NTM: variants seen among roughly 807,000 people sequenced by gnomAD.
NTM encodes neurotrimin, also known as IgLON family member 2.
In NTM, 13 loss-of-function variants were observed where a neutral mutation model predicts 42.1. The observed-to-expected ratio is 0.31, with a 90% confidence interval of 0.20 to 0.49. The LOEUF is 0.49. Among genes scored for constraint, NTM ranks in the 20% least tolerant of loss-of-function variants. The pLI is 0.99. For synonymous variants in NTM, 187 were observed against 179.2 expected (o/e 1.04, Z -0.35); for missense variants, 373 against 452.8 (o/e 0.82, Z 1.60).
chr11:132,158,838 G>T (rs2073741527), intron 3 of NTM, among the ~76,000 whole-genome samples: 1 of 152,150 alleles, frequency 6.6e-6, no homozygotes, highest in Admixed American at 6.5e-5. Context: ...AATTGAACCA[G>T]ATTGAAGGAA....
At chr11:131,442,009 CT>C (rs1449186516) in intron 1 of NTM, among the ~76,000 whole-genome samples, 2 of 152,206 alleles carry the variant, frequency 1.3e-5, no homozygotes, top group Non-Finnish European at 2.9e-5. Flanking sequence ...AGATGCACCA[CT>C]CCTCAGATCA....
chr11:131,792,269 AG>A (rs2091038236), intron 1 of NTM, among the ~76,000 whole-genome samples: 1 of 152,254 alleles, frequency 6.6e-6, no homozygotes, highest in Non-Finnish European at 1.5e-5. Flanking sequence ...CAAATGCAAA[AG>A]AAACAAACAG....
At chr11:132,060,974 AT>A (rs1385041671) in intron 2 of NTM, among the ~76,000 whole-genome samples, 2 of 152,218 alleles carry the variant, frequency 1.3e-5, no homozygotes, top group Non-Finnish European at 2.9e-5. Flanking sequence ...TGATTTTAAG[AT>A]GGCATTTTGT....
At chr11:132,084,625 A>C (rs2136319255) in intron 2 of NTM, among the ~76,000 whole-genome samples, 1 of 152,336 alleles carries the variant, frequency 6.6e-6, no homozygotes, top group African/African-American at 2.4e-5. Flanking sequence ...ATTTCAGATT[A>C]CCATAAGTTA....
intron 1 of NTM, among the ~76,000 whole-genome samples, chr11:131,849,900 A>G (rs2045331471): frequency 6.6e-6 from 1 of 151,668 alleles, no homozygotes; most frequent in Non-Finnish European, 1.5e-5. Flanking sequence ...GCAGCACACC[A>G]ACATGGCACA....
At chr11:131,981,222 T>C (rs1385022728) in intron 2 of NTM, 10 of 152,160 alleles carry the variant, frequency 6.6e-5, no homozygotes, top group Admixed American at 6.5e-4. Context: ...TCCTCTGAAT[T>C]GCATGAGGCT....
At chr11:131,687,901 G>GA (rs1385392328) in intron 1 of NTM, among the ~76,000 whole-genome samples, 1 of 152,118 alleles carries the variant, frequency 6.6e-6, no homozygotes, top group African/African-American at 2.4e-5. Flanking sequence ...CCTTGGTGCC[G>GA]AATGTGTCCT....
chr11:131,944,765 A>C (rs2060171432), intron 2 of NTM, among the ~76,000 whole-genome samples: 1 of 152,170 alleles, frequency 6.6e-6, no homozygotes, highest in Non-Finnish European at 1.5e-5. Context: ...TATGTGTTGG[A>C]GTATATGCCT....
intron 2 of NTM, among the ~76,000 whole-genome samples, chr11:131,945,751 C>T (rs560649198): frequency 2.3e-3 from 351 of 152,244 alleles, no homozygotes; most frequent in African/African-American, 7.9e-3. Flanking sequence ...CATTCCTGCA[C>T]CTTTACTGAT....
intron 1 of NTM, among the ~76,000 whole-genome samples, chr11:131,863,763 C>T (rs529327345): frequency 6.6e-6 from 1 of 152,332 alleles, no homozygotes; most frequent in South Asian, 2.1e-4. Flanking sequence ...AAATCTTCCA[C>T]AGGTTCAGGA....
chr11:131,486,759 C>G (rs1335473237), intron 1 of NTM, among the ~76,000 whole-genome samples: 1 of 152,166 alleles, frequency 6.6e-6, no homozygotes, highest in African/African-American at 2.4e-5. Flanking sequence ...TAACCACATT[C>G]TTCTCCAGCT....
chr11:131,380,970 A>G (rs1320574767), intron 1 of NTM, among the ~76,000 whole-genome samples: 1 of 152,048 alleles, frequency 6.6e-6, no homozygotes, highest in Non-Finnish European at 1.5e-5. Flanking sequence ...TTTTTCCCGT[A>G]TATTAGTAAT....
At position 132,312,106 on chromosome 11, in the gene NTM, C is replaced by A. The variant is rs571224960; in HGVS notation, c.782+1874C>A. Among the ~76,000 whole-genome samples, 3 of 152,310 alleles carry A rather than the reference C, an allele frequency of 2.0e-5. No homozygotes were observed. The South Asian group carries it at 6.2e-4, about 32-fold the overall frequency. On this transcript the variant is annotated intron_variant, in intron 6 of 8. Coordinates refer to ENST00000683400, the MANE Select transcript of NTM (RefSeq NM_001352005.2). Reference sequence around the variant, plus strand: ...CTGGCATGAGACAGGGGCTGTCTTTCCTCCTGGCACCCAGCTCAGCTGCAG... The same window carrying A: ...CTGGCATGAGACAGGGGCTGTCTTTACTCCTGGCACCCAGCTCAGCTGCAG...
intron 4 of NTM, among the ~76,000 whole-genome samples, chr11:132,256,350 C>T (rs1282211163): frequency 6.6e-6 from 1 of 152,238 alleles, no homozygotes; most frequent in Non-Finnish European, 1.5e-5. Flanking sequence ...TTCCCTCACC[C>T]CTCCAGTGTC....
chr11:132,116,613 G>A lies in NTM; in HGVS notation c.168-29669G>A, dbSNP rs75355932. Reference sequence around the variant, plus strand: ...CCTTAACATCATTCAGAGCAGGAGTGTTCCTTCTACCTCAAGGACCTAGCA... The same window carrying A: ...CCTTAACATCATTCAGAGCAGGAGTATTCCTTCTACCTCAAGGACCTAGCA... On this transcript the variant is annotated intron_variant, in intron 2 of 8. Transcript: ENST00000683400. 2.2e-3 allele frequency among the ~76,000 whole-genome samples: 331 copies of A among 152,248 alleles called. 1 individual carries two copies. The highest frequency in any genetic ancestry group is 7.2e-3 in the African/African-American group (301 of 41,540).
At chr11:131,816,438 A>G (rs1469701921) in intron 1 of NTM, among the ~76,000 whole-genome samples, 2 of 152,100 alleles carry the variant, frequency 1.3e-5, no homozygotes, top group Admixed American at 1.3e-4. Context: ...TGGGGTACGT[A>G]TCTTCCTGGA....
At chr11:131,960,857 T>C (rs2062082111) in intron 2 of NTM, among the ~76,000 whole-genome samples, 1 of 152,234 alleles carries the variant, frequency 6.6e-6, no homozygotes, top group East Asian at 1.9e-4. Flanking sequence ...TGCTGATACC[T>C]GGAACTTTCA....
intron 2 of NTM, among the ~76,000 whole-genome samples, chr11:132,051,328 T>A (rs1594133721): frequency 6.6e-6 from 1 of 152,282 alleles, no homozygotes; most frequent in Middle Eastern, 3.4e-3. Flanking sequence ...ATGAGAAAAC[T>A]GAGGCCCTGA....
chr11:131,643,138 T>C (rs969743998), intron 1 of NTM, among the ~76,000 whole-genome samples: 2 of 151,912 alleles, frequency 1.3e-5, no homozygotes, highest in African/African-American at 4.8e-5. Flanking sequence ...TACAGAAGCA[T>C]CCGAGCCCCT....
Sources: gnomAD v4.1 joint callset for allele counts (sites outside exome capture counted in the v4.1 genomes callset) on GRCh38, gnomAD v4.1.1 for gene constraint, MANE v1.5 for transcripts, NCBI Gene and HGNC (gene_info 2026-07-23, HGNC 2026-07-21) for gene names.